Variants in HERC3 observed in about 807,000 individuals in gnomAD.
The protein encoded by HERC3 is HECT and RLD domain containing E3 ubiquitin protein ligase 3.
In HERC3, 58 loss-of-function variants were observed where a neutral mutation model predicts 129.9. The ratio of observed to expected loss-of-function variants is 0.45; its 90% confidence interval spans 0.36 to 0.56. The LOEUF is 0.56. Among genes scored for constraint, HERC3 ranks in the 20% least tolerant of loss-of-function variants. The probability of loss-of-function intolerance (pLI) is 0.00; values close to 1 mark genes in which losing one functional copy is unlikely to be tolerated. For missense variants in HERC3, 835 were observed against 1,244.2 expected, an observed-to-expected ratio of 0.67 and a Z score of 4.95; for synonymous variants, 430 against 451.0, an observed-to-expected ratio of 0.95 and a Z score of 0.59.
chr4:88,608,142 C>T (rs116753302), intron 3 of HERC3, among the ~76,000 whole-genome samples: 2,409 of 152,234 alleles, frequency 0.016, 57 homozygotes, highest in African/African-American at 0.055. Flanking sequence ...GACCATGTTC[C>T]GTAGTTTCCC....
intron 3 of HERC3, among the ~76,000 whole-genome samples, chr4:88,620,454 T>G (rs1725389714): frequency 2.0e-5 from 3 of 152,248 alleles, no homozygotes. Flanking sequence ...ATCCCTGATT[T>G]GTCTTGTCTT....
chr4:88,703,745 G>A (rs1735526983), intron 23 of HERC3, among the ~76,000 whole-genome samples: 1 of 152,140 alleles, frequency 6.6e-6, no homozygotes, highest in Non-Finnish European at 1.5e-5. Context: ...TTTATTTTAA[G>A]CAGAAAAGGT....
rs1042608273 is a variant in HERC3 at position 88,657,721 on chromosome 4, A to T, written c.1070-694A>T. Among the ~76,000 whole-genome samples, 5 of 152,296 alleles carry T rather than the reference A, an allele frequency of 3.3e-5. No individual in the cohort carries two copies. The East Asian group carries it at 9.7e-4, about 29-fold the overall frequency. ...TGTGGGAGCACAGAGGAAGGCATGG[A>T]GGAGTATTGTGGTTAGAGGAAGTTT... On this transcript the variant is annotated intron_variant, in intron 9 of 25. Coordinates refer to ENST00000402738, the MANE Select transcript of HERC3 (RefSeq NM_014606.3).
the HERC3 span, among the ~76,000 whole-genome samples, chr4:88,537,232 C>G: frequency 6.6e-6 from 1 of 152,124 alleles, no homozygotes; most frequent in Non-Finnish European, 1.5e-5. Context: ...ATTTCTGGTC[C>G]AAGATCCAAT....
chr4:88,676,796 T>A (rs1039227849), intron 18 of HERC3, among the ~76,000 whole-genome samples: 2 of 152,222 alleles, frequency 1.3e-5, no homozygotes, highest in African/African-American at 4.8e-5. Context: ...TATATAATTT[T>A]TACATGTGGT....
intron 3 of HERC3, among the ~76,000 whole-genome samples, chr4:88,647,629 A>G (rs534345367): frequency 1.2e-4 from 18 of 152,268 alleles, no homozygotes; most frequent in African/African-American, 3.1e-4. Context: ...AACAATAGGA[A>G]TTACAGAATC....
chr4:88,523,919 G>A, the HERC3 span: 1,186 of 525,482 alleles, frequency 2.3e-3, 10 homozygotes, highest in African/African-American at 0.022. Flanking sequence ...ACAGCCCCAG[G>A]GCAGAGGCCT....
the HERC3 span, among the ~76,000 whole-genome samples, chr4:88,528,799 G>A: frequency 3.1e-3 from 473 of 152,272 alleles, 2 homozygotes; most frequent in African/African-American, 0.011. Flanking sequence ...TTACTTAGTT[G>A]ATAATCACAT....
At chr4:88,527,255 C>CTTTTTTTTT in the HERC3 span, 1 of 142,912 alleles carries the variant, frequency 7.0e-6, no homozygotes. Context: ...CTCTTTCTTT[C>CTTTTTTTTT]TTTTTTTTTT....
the HERC3 span, among the ~76,000 whole-genome samples, chr4:88,558,139 C>G: frequency 7.3e-5 from 11 of 150,050 alleles, no homozygotes; most frequent in Non-Finnish European, 1.3e-4. Context: ...ATCCACTAAT[C>G]CCAGTACCAG....
chr4:88,682,436 A>T (rs1732889267), intron 21 of HERC3, among the ~76,000 whole-genome samples: 1 of 151,496 alleles, frequency 6.6e-6, no homozygotes, highest in African/African-American at 2.4e-5. Flanking sequence ...CTCGTCATTT[A>T]ACATTAGATG....
At chr4:88,536,429 A>T in the HERC3 span, among the ~76,000 whole-genome samples, 39 of 152,240 alleles carry the variant, frequency 2.6e-4, no homozygotes, top group African/African-American at 9.4e-4. Context: ...TCCCTTGTAT[A>T]CAACAGTAAA....
At chr4:88,586,138 A>G in the HERC3 span, among the ~76,000 whole-genome samples, 1 of 152,348 alleles carries the variant, frequency 6.6e-6, no homozygotes, top group South Asian at 2.1e-4. Context: ...GCTATGTTGC[A>G]CAATTGTTTA....
At chr4:88,676,188 GT>G in intron 16 of HERC3, 29 bp from the exon 17 acceptor site, 1 of 1,493,376 alleles carries the variant, frequency 6.7e-7, no homozygotes, top group Non-Finnish European at 9.3e-7. Flanking sequence ...TACAATTTAA[GT>G]AAGAGACTTT....
At chr4:88,534,751 C>A in the HERC3 span, among the ~76,000 whole-genome samples, 1 of 152,070 alleles carries the variant, frequency 6.6e-6, no homozygotes, top group South Asian at 2.1e-4. Flanking sequence ...TTTTTATTAT[C>A]CAGGTTTAAG....
At position 88,638,796 on chromosome 4, in the gene HERC3, G is replaced by T. The variant is rs367782272; in HGVS notation, c.227-11044G>T. Among the ~76,000 whole-genome samples, 9 of 151,550 alleles carry T rather than the reference G, an allele frequency of 5.9e-5. No homozygotes were observed. The East Asian group carries it at 1.7e-3, about 29-fold the overall frequency. On this transcript the variant is annotated intron_variant, in intron 3 of 25. Transcript: ENST00000402738. Reference sequence around the variant, plus strand: ...TACTCAAATAAGAAGAGAGGAAGTCGAATTGTCTCTGTTTGCAGACGACAT... The same window carrying T: ...TACTCAAATAAGAAGAGAGGAAGTCTAATTGTCTCTGTTTGCAGACGACAT...
chr4:88,681,036 TA>T, intron 20 of HERC3, 122 bp from the exon 21 acceptor site: 1 of 1,447,714 alleles, frequency 6.9e-7, no homozygotes, highest in Non-Finnish European at 9.1e-7. Flanking sequence ...CTACAGAAGG[TA>T]ACTAAATATT....
intron 23 of HERC3, chr4:88,690,338 G>A: frequency 3.0e-6 from 3 of 985,350 alleles, no homozygotes; most frequent in South Asian, 4.7e-5. Context: ...TGTTAGCCCA[G>A]CTGATTTCCC....
intron 3 of HERC3, among the ~76,000 whole-genome samples, chr4:88,633,730 T>C (rs1186944205): frequency 6.6e-6 from 1 of 152,132 alleles, no homozygotes; most frequent in Non-Finnish European, 1.5e-5. Flanking sequence ...ATTATCCTAT[T>C]AGACTCTAAA....
Sources: allele counts gnomAD v4.1 joint callset (sites outside exome capture counted in the v4.1 genomes callset), GRCh38; gene constraint gnomAD v4.1.1; transcripts MANE v1.5; gene names NCBI Gene and HGNC (gene_info 2026-07-23, HGNC 2026-07-21).